SCLT1: variants seen among roughly 807,000 people sequenced by gnomAD.
SCLT1 encodes the protein sodium channel and clathrin linker 1, also known as sodium channel-associated protein 1.
In SCLT1, 78 loss-of-function variants were observed where a neutral mutation model predicts 112.8. That is an observed-to-expected ratio of 0.69 (90% CI 0.58 to 0.83). SCLT1 has a LOEUF of 0.83. Ranked by LOEUF, SCLT1 falls within the 40% of genes least tolerant of loss-of-function variation. The pLI is 0.00. For missense variants in SCLT1, 747 were observed against 770.4 expected (o/e 0.97, Z 0.36); for synonymous variants, 257 against 254.7 (o/e 1.01, Z -0.09).
At chr4:128,992,115 C>T in intron 9 of SCLT1, 52 bp downstream of exon 9, 1 of 1,219,196 alleles carries the variant, frequency 8.2e-7, no homozygotes. Context: ...CATCAGCTCC[C>T]CTGAAGAAAA....
intron 17 of SCLT1, among the ~76,000 whole-genome samples, chr4:128,937,285 AAAAAAAAG>A (rs1298366954): frequency 1.2e-3 from 186 of 151,900 alleles, no homozygotes; most frequent in Middle Eastern, 3.4e-3. Context: ...CTCAAAAAAA[AAAAAAAAG>A]AAAAAAGAAA....
chr4:129,068,500 G>T (rs749438826), intron 2 of SCLT1, among the ~76,000 whole-genome samples: 1 of 152,112 alleles, frequency 6.6e-6, no homozygotes, highest in Non-Finnish European at 1.5e-5. Context: ...TCATATGTTT[G>T]TTGGCCATCT....
intron 19 of SCLT1, among the ~76,000 whole-genome samples, chr4:128,889,505 A>G (rs1313052747): frequency 1.3e-5 from 2 of 152,180 alleles, no homozygotes; most frequent in Non-Finnish European, 2.9e-5. Flanking sequence ...GGAACTAACA[A>G]TGTCAATACC....
intron 9 of SCLT1, among the ~76,000 whole-genome samples, chr4:128,977,742 G>C (rs953859498): frequency 7.2e-5 from 11 of 152,170 alleles, no homozygotes; most frequent in African/African-American, 2.7e-4. Context: ...AGAGAAAAAA[G>C]TGTAAGATAA....
intron 13 of SCLT1, among the ~76,000 whole-genome samples, chr4:128,956,745 C>T (rs1739244241): frequency 6.6e-6 from 1 of 151,698 alleles, no homozygotes; most frequent in Admixed American, 6.6e-5. Context: ...TAATATTGCC[C>T]ACAAAAAATA....
At chr4:128,939,504 T>C (rs182877203) in intron 17 of SCLT1, among the ~76,000 whole-genome samples, 1 of 152,280 alleles carries the variant, frequency 6.6e-6, no homozygotes, top group East Asian at 1.9e-4. Flanking sequence ...AAATTCAGAA[T>C]GTTGGATGGG....
At chr4:129,043,504 C>T (rs1459479118) in intron 3 of SCLT1, 37 bp from the exon 4 acceptor site, 3 of 919,310 alleles carry the variant, frequency 3.3e-6, no homozygotes, top group Non-Finnish European at 5.1e-6. Flanking sequence ...ATATTCTGTT[C>T]CATCTAGTTT....
At chr4:129,035,644 T>C (rs898706576) in intron 5 of SCLT1, among the ~76,000 whole-genome samples, 1 of 152,144 alleles carries the variant, frequency 6.6e-6, no homozygotes, top group African/African-American at 2.4e-5. Context: ...ATTTACTTAG[T>C]ATCAGAAAAT....
At chr4:129,027,548 T>C (rs1404351622) in intron 5 of SCLT1, among the ~76,000 whole-genome samples, 1 of 152,178 alleles carries the variant, frequency 6.6e-6, no homozygotes, top group Non-Finnish European at 1.5e-5. Flanking sequence ...GAGCTATCTA[T>C]GACAAACCCA....
At chr4:129,054,256 T>G (rs1749136756) in intron 2 of SCLT1, among the ~76,000 whole-genome samples, 1 of 152,150 alleles carries the variant, frequency 6.6e-6, no homozygotes, top group South Asian at 2.1e-4. Context: ...GGAGTATCTT[T>G]GTGGTGTTCT....
At chr4:128,954,960 C>G (rs187976299) in intron 13 of SCLT1, among the ~76,000 whole-genome samples, 7 of 152,258 alleles carry the variant, frequency 4.6e-5, no homozygotes, top group Admixed American at 2.0e-4. Flanking sequence ...AGAAATGATA[C>G]AGCTAACTTG....
At chr4:128,953,341 T>A (rs28711799) in intron 13 of SCLT1, among the ~76,000 whole-genome samples, 51,322 of 151,988 alleles carry the variant, frequency 0.34, 11,181 homozygotes, top group African/African-American at 0.62. Flanking sequence ...GATTCTGATA[T>A]CTCCTTCTGT....
At chr4:129,024,888 A>G (rs538761275) in intron 5 of SCLT1, among the ~76,000 whole-genome samples, 3,827 of 152,254 alleles carry the variant, frequency 0.025, 136 homozygotes, top group African/African-American at 0.086. Flanking sequence ...AGGCTCGAGA[A>G]CTACGTGAAG....
Position 129,053,071 on chromosome 4 carries a change from G to A in SCLT1, c.103-9020C>T, listed in dbSNP as rs545704578. On this transcript the variant is annotated intron_variant, in intron 2 of 20. Coordinates refer to ENST00000281142, the MANE Select transcript of SCLT1 (RefSeq NM_144643.4). ...GTTTCTTGATCCTGAGTTCTAATTC[G>A]ATTGCACTGTGTTCTGAGAGACTGT... 2.0e-5 allele frequency among the ~76,000 whole-genome samples: 3 copies of A among 152,208 alleles called. No homozygotes were observed. In the South Asian group the frequency reaches 6.2e-4, roughly 32 times the overall value.
intron 2 of SCLT1, among the ~76,000 whole-genome samples, chr4:129,057,409 C>CTTTTTTTTTTT (rs35098310): frequency 7.5e-6 from 1 of 132,602 alleles, no homozygotes; most frequent in African/African-American, 2.8e-5. Flanking sequence ...TAATATTATT[C>CTTTTTTTTTTT]TTTTTTTTTT....
At chr4:128,895,685 G>A (rs76654300) in intron 18 of SCLT1, among the ~76,000 whole-genome samples, 2,501 of 152,250 alleles carry the variant, frequency 0.016, 54 homozygotes, top group African/African-American at 0.051. Flanking sequence ...GTCAGAAAGC[G>A]GGTGCAGGAC....
intron 8 of SCLT1, among the ~76,000 whole-genome samples, chr4:128,992,721 GTCTTC>G (rs1417984238): frequency 1.3e-5 from 2 of 151,958 alleles, no homozygotes; most frequent in Non-Finnish European, 2.9e-5. Flanking sequence ...TTTATTGGCT[GTCTTC>G]TCTTCTCTTG....
At chr4:128,901,980 A>C (rs1404218292) in intron 18 of SCLT1, among the ~76,000 whole-genome samples, 4 of 151,928 alleles carry the variant, frequency 2.6e-5, no homozygotes, top group Non-Finnish European at 5.9e-5. Flanking sequence ...GCAGTGGTAC[A>C]ATCATGGCTC....
At chr4:129,042,947 C>G (rs528053292) in intron 4 of SCLT1, among the ~76,000 whole-genome samples, 12 of 152,238 alleles carry the variant, frequency 7.9e-5, no homozygotes, top group African/African-American at 2.9e-4. Context: ...GTGGCACATG[C>G]CTGTAATCCC....
Sources: gnomAD v4.1 joint callset for allele counts (sites outside exome capture counted in the v4.1 genomes callset) on GRCh38, gnomAD v4.1.1 for gene constraint, MANE v1.5 for transcripts, NCBI Gene and HGNC (gene_info 2026-07-23, HGNC 2026-07-21) for gene names.